The following ZIM2 variants were observed in gnomAD, a reference collection of about 807,000 sequenced individuals.
ZIM2 encodes the protein zinc finger protein 656.
ZIM2 carries 14 observed loss-of-function variants against 38.6 expected under a neutral mutation model. That is an observed-to-expected ratio of 0.36 (90% CI 0.24 to 0.57). The LOEUF (loss-of-function observed/expected upper bound fraction) is 0.57, where lower values mean the gene tolerates loss of function less well. ZIM2 is among the 20% of genes least tolerant of loss of function. The pLI is 0.81. For missense variants in ZIM2, 680 were observed against 695.1 expected, an observed-to-expected ratio of 0.98 and a Z score of 0.24; for synonymous variants, 247 against 245.8, an observed-to-expected ratio of 1.00 and a Z score of -0.04.
At chr19:56,811,680 C>T in intron 9 of ZIM2, 1 of 985,390 alleles carries the variant, frequency 1.0e-6, no homozygotes, top group Non-Finnish European at 1.2e-6. Flanking sequence ...TTCAAGAGTC[C>T]TTTTCCCATG....
intron 2 of ZIM2, among the ~76,000 whole-genome samples, chr19:56,828,005 A>G (rs568156693): frequency 6.6e-6 from 1 of 152,076 alleles, no homozygotes; most frequent in African/African-American, 2.4e-5. Flanking sequence ...TTTTGTTTTT[A>G]TTTTTATTTT....
intron 9 of ZIM2, 88 bp downstream of exon 9, chr19:56,817,658 G>A: frequency 6.6e-7 from 1 of 1,517,528 alleles, no homozygotes; most frequent in East Asian, 2.3e-5. Context: ...GCACCCTTCT[G>A]TGATGTTTAG....
chr19:56,816,629 C>T lies in ZIM2; in HGVS notation c.490+1117G>A, dbSNP rs55885735. The T allele has an allele frequency of 8.6e-4, 1,394 of 1,613,660 alleles. 12 individuals carry two copies. Among genetic ancestry groups the T allele is most frequent in the Middle Eastern group, 1.5e-3 (9 of 6,060 alleles). On this transcript the variant is annotated intron_variant, in intron 9 of 12. Coordinates refer to ENST00000629319, the MANE Select transcript of ZIM2 (RefSeq NM_001387356.1). ...GCTGGGCTGGGCCTAAAGGTTTCCC[C>T]GCGCTCACGTTCACGTTCACGTTCA...
intron 8 of ZIM2, 71 bp from the exon 9 acceptor site, chr19:56,817,909 T>C: frequency 8.1e-7 from 1 of 1,231,630 alleles, no homozygotes; most frequent in Non-Finnish European, 1.2e-6. Context: ...AAATTGATCT[T>C]CATCTTTCAC....
Position 56,775,415 on chromosome 19 carries a change from T to C in ZIM2, c.950A>G (p.Asp317Gly). ...TLTPERSYGS[D>G]EFERSSNLSK... The stretch of plus-strand genomic sequence containing the variant: ...AAGATTAGAGCTTCTCTCAAATTCA[T>C]CACTGCCATAGCTTCTTTCCGGAGT... Residue 317 changes from aspartate (D) to glycine (G), a missense_variant, in exon 13 of 13, where the codon GAT becomes GGT. Physicochemically the swap from Asp to Gly is moderately conservative, Grantham distance 94 (BLOSUM62 -1). Transcript: ENST00000629319. 1 of 1,614,190 alleles carries C rather than the reference T, an allele frequency of 6.2e-7. No individual in the cohort carries two copies. Among genetic ancestry groups the C allele is most frequent in the Non-Finnish European group, 8.5e-7 (1 of 1,180,030 alleles).
At chr19:56,796,409 T>C (rs977267229) in intron 9 of ZIM2, among the ~76,000 whole-genome samples, 1 of 152,216 alleles carries the variant, frequency 6.6e-6, no homozygotes, top group African/African-American at 2.4e-5. Context: ...TTTTCTTTTT[T>C]TTTAACTTTG....
At chr19:56,795,620 A>C (rs2047174928) in intron 9 of ZIM2, among the ~76,000 whole-genome samples, 1 of 152,140 alleles carries the variant, frequency 6.6e-6, no homozygotes, top group African/African-American at 2.4e-5. Flanking sequence ...AGACACGAGG[A>C]TAGGGTTGGT....
At chr19:56,818,419 C>T (rs2060182701) in intron 8 of ZIM2, among the ~76,000 whole-genome samples, 181 bp downstream of exon 8, 1 of 152,206 alleles carries the variant, frequency 6.6e-6, no homozygotes, top group Non-Finnish European at 1.5e-5. Flanking sequence ...AAGCCAGAGG[C>T]ATTTCTTAAA....
At chr19:56,813,256 G>GT (rs1187078886) in intron 9 of ZIM2, 3 of 965,392 alleles carry the variant, frequency 3.1e-6, no homozygotes, top group African/African-American at 1.8e-5. Context: ...AGAGTAAACT[G>GT]TAACTGTATA....
chr19:56,821,086 G>C (rs527757184), intron 7 of ZIM2, among the ~76,000 whole-genome samples: 5 of 152,158 alleles, frequency 3.3e-5, no homozygotes, highest in African/African-American at 1.2e-4. Flanking sequence ...AACATTTAAC[G>C]GTGTGCCTAC....
At chr19:56,817,255 A>AAATGATAGC in intron 9 of ZIM2, 1 of 1,614,192 alleles carries the variant, frequency 6.2e-7, no homozygotes, top group Non-Finnish European at 8.5e-7. Flanking sequence ...ATCTGTGTCA[A>AAATGATAGC]AATGATAGCG....
rs758475116 is a variant in ZIM2, at chr19:56,816,132, C to T, written c.490+1614G>A. On this transcript the variant is annotated intron_variant, in intron 9 of 12. Transcript: ENST00000629319. ...TAACAGACCTCTCATATGATTTTGC[C>T]TCATAGACATTTTCCTTAGTGGGAA... is the stretch of plus-strand genomic sequence containing the variant. 5.0e-6 allele frequency: 8 copies of T among 1,613,522 alleles called. No individual in the cohort carries two copies. The South Asian group carries it at 8.8e-5, about 18-fold the overall frequency.
intron 12 of ZIM2, among the ~76,000 whole-genome samples, chr19:56,777,010 TGAC>T (rs1169328511): frequency 6.6e-6 from 1 of 152,208 alleles, no homozygotes; most frequent in African/African-American, 2.4e-5. Context: ...AATTTTATCT[TGAC>T]GGAGGTAAGA....
intron 2 of ZIM2, among the ~76,000 whole-genome samples, chr19:56,829,575 AAAGGCAGGAAGAGGAAGTGCTGGTC>A (rs1053774101): frequency 1.3e-5 from 2 of 152,222 alleles, no homozygotes; most frequent in Non-Finnish European, 2.9e-5. Context: ...ACCCAGAGCC[AAAGGCAGGAAGAGGAAGTGCTGGTC>A]AACCTTCTCC....
chr19:56,837,873 C>T (rs1450574390), intron 1 of ZIM2, among the ~76,000 whole-genome samples: 2 of 152,128 alleles, frequency 1.3e-5, no homozygotes, highest in East Asian at 1.9e-4. Flanking sequence ...ACGGGGCTCA[C>T]GCTCACTCCT....
intron 9 of ZIM2, chr19:56,811,661 G>A (rs1430822840): frequency 3.0e-6 from 3 of 985,378 alleles, no homozygotes; most frequent in Non-Finnish European, 3.6e-6. Context: ...CATCAACACT[G>A]ATTCTCGTTT....
chr19:56,817,991 C>T (rs1441338706), intron 8 of ZIM2, among the ~76,000 whole-genome samples, 153 bp from the exon 9 acceptor site: 1 of 152,202 alleles, frequency 6.6e-6, no homozygotes, highest in African/African-American at 2.4e-5. Context: ...TCTCATTTCC[C>T]TACTATCTAT....
chr19:56,775,137 A>T lies in ZIM2; in HGVS notation c.1228T>A (p.Ser410Thr). Reference sequence around the variant, plus strand: ...TTGCAGCCAGAAGTCTTCCTACCAGAATGGGTCTTCTGATGTCTGTTGAGG... The same window carrying T: ...TTGCAGCCAGAAGTCTTCCTACCAGTATGGGTCTTCTGATGTCTGTTGAGG... ...PHLNRHQKTHSGRKTSGCNEG... is the reference protein window; with the variant it reads ...PHLNRHQKTHTGRKTSGCNEG... The change falls in exon 13 of 13, where the codon TCT (serine) becomes ACT (threonine). Residue 410 changes from serine to threonine, a missense_variant. Ser to Thr is a moderately conservative substitution (Grantham distance 58). Transcript: ENST00000629319. 1 of 1,614,138 alleles carries T rather than the reference A, an allele frequency of 6.2e-7. No individual in the cohort carries two copies. The highest frequency in any genetic ancestry group is 1.1e-5 in the South Asian group (1 of 91,076).
chr19:56,789,785 T>G (rs1191427668), intron 10 of ZIM2, 87 bp downstream of exon 10: 1 of 1,165,888 alleles, frequency 8.6e-7, no homozygotes, highest in Non-Finnish European at 1.1e-6. Context: ...GAAATGAGTA[T>G]GTGGTTTAAT....
Sources: allele counts gnomAD v4.1 joint callset (sites outside exome capture counted in the v4.1 genomes callset), GRCh38; gene constraint gnomAD v4.1.1; transcripts MANE v1.5; gene names NCBI Gene and HGNC (gene_info 2026-07-23, HGNC 2026-07-21).